CCNY: variants seen among roughly 807,000 people sequenced by gnomAD.
CCNY encodes the protein cyclin-Y.
In CCNY, 19 loss-of-function variants were observed where a neutral mutation model predicts 42.8. That is an observed-to-expected ratio of 0.44 (90% confidence interval 0.31 to 0.65). The LOEUF (loss-of-function observed/expected upper bound fraction) is 0.65. Ranked by LOEUF, CCNY falls within the 30% of genes least tolerant of loss-of-function variation. CCNY has a pLI of 0.07. For missense variants in CCNY, 370 were observed against 437.3 expected (o/e 0.85, Z 1.37); for synonymous variants, 165 against 162.7 (o/e 1.01, Z -0.11).
chr10:35,479,307 G>C (rs907234751), intron 1 of CCNY, among the ~76,000 whole-genome samples: 1 of 151,044 alleles, frequency 6.6e-6, no homozygotes, highest in African/African-American at 2.4e-5. Context: ...ACATGCACAC[G>C]TATGTTTATT....
chr10:35,383,312 C>CT (rs879306853), intron 1 of CCNY, among the ~76,000 whole-genome samples: 1,844 of 143,474 alleles, frequency 0.013, 17 homozygotes, highest in African/African-American at 0.03. Flanking sequence ...ATTTTCTTTT[C>CT]TTTTTTTTTT....
chr10:35,260,324 T>A (rs2095718641), intron 3 of CCNY, among the ~76,000 whole-genome samples: 2 of 152,168 alleles, frequency 1.3e-5, no homozygotes, highest in Non-Finnish European at 2.9e-5. Context: ...ATGCTGTATG[T>A]AAGAGCCTAC....
chr10:35,431,810 T>G (rs1412687994), intron 1 of CCNY, among the ~76,000 whole-genome samples: 1 of 152,082 alleles, frequency 6.6e-6, no homozygotes, highest in Non-Finnish European at 1.5e-5. Flanking sequence ...GTGGCCTTCT[T>G]AGGTTGGTTA....
intron 3 of CCNY, among the ~76,000 whole-genome samples, chr10:35,323,337 T>A (rs1835842934): frequency 6.6e-6 from 1 of 152,220 alleles, no homozygotes. Context: ...TACATAGATG[T>A]TCATAATGGC....
At chr10:35,346,817 G>A (rs150542797) in intron 1 of CCNY, among the ~76,000 whole-genome samples, 2,914 of 152,278 alleles carry the variant, frequency 0.019, 43 homozygotes, top group Non-Finnish European at 0.031. Flanking sequence ...TGTAGAGACA[G>A]GGTTACGCCT....
chr10:35,522,311 T>C (rs1233438966), intron 4 of CCNY, among the ~76,000 whole-genome samples: 1 of 152,186 alleles, frequency 6.6e-6, no homozygotes, highest in African/African-American at 2.4e-5. Flanking sequence ...GCCCCTGACT[T>C]ATAAATGTGG....
chr10:35,332,628 G>A (rs1480071599), upstream of CCNY, among the ~76,000 whole-genome samples: 4 of 151,950 alleles, frequency 2.6e-5, no homozygotes, highest in African/African-American at 4.8e-5. Flanking sequence ...TTTTTGAGAC[G>A]GAGTCTTGCT....
At chr10:35,272,407 C>T (rs1018238335) in intron 3 of CCNY, among the ~76,000 whole-genome samples, 4 of 151,994 alleles carry the variant, frequency 2.6e-5, no homozygotes, top group African/African-American at 7.3e-5. Flanking sequence ...TTAGGCCTAG[C>T]GGCCATTAGT....
At chr10:35,450,164 G>A (rs941105080) in intron 1 of CCNY, among the ~76,000 whole-genome samples, 1 of 152,040 alleles carries the variant, frequency 6.6e-6, no homozygotes, top group Non-Finnish European at 1.5e-5. Context: ...GCAGAGAGGT[G>A]GTGGAATCGG....
At chr10:35,503,067 C>T (rs953746256) in intron 3 of CCNY, among the ~76,000 whole-genome samples, 1 of 152,120 alleles carries the variant, frequency 6.6e-6, no homozygotes, top group Non-Finnish European at 1.5e-5. Flanking sequence ...ACCTGCATAC[C>T]TCTTTTAACA....
chr10:35,357,186 CT>C (rs1249612652), intron 1 of CCNY, among the ~76,000 whole-genome samples: 1 of 151,520 alleles, frequency 6.6e-6, no homozygotes, highest in Non-Finnish European at 1.5e-5. Context: ...GCCCCTGCCC[CT>C]GCCCCAGCCC....
chr10:35,332,771 A>G (rs1182675146), upstream of CCNY, among the ~76,000 whole-genome samples: 2 of 151,972 alleles, frequency 1.3e-5, no homozygotes, highest in Admixed American at 1.3e-4. Context: ...CGCCTGGCTA[A>G]TTTTTTGTAT....
At chr10:35,334,217 ACTGTCTCTTTCTCCT>A (rs1835979915), upstream of CCNY, among the ~76,000 whole-genome samples, 1 of 152,184 alleles carries the variant, frequency 6.6e-6, no homozygotes, top group South Asian at 2.1e-4. Context: ...CCTTAGTGCC[ACTGTCTCTTTCTCCT>A]CTTAAGCCCT....
At chr10:35,447,421 A>G (rs1838817100) in intron 1 of CCNY, among the ~76,000 whole-genome samples, 1 of 152,164 alleles carries the variant, frequency 6.6e-6, no homozygotes, top group Non-Finnish European at 1.5e-5. Context: ...ATTTTTATTT[A>G]TATTTAGGGG....
At chr10:35,247,683 T>C (rs1401712927) in intron 1 of CCNY, among the ~76,000 whole-genome samples, 1 of 151,378 alleles carries the variant, frequency 6.6e-6, no homozygotes, top group Non-Finnish European at 1.5e-5. Context: ...GAGACCATCC[T>C]GGCTAACACG....
chr10:35,279,061 C>A (rs576774962), intron 3 of CCNY, among the ~76,000 whole-genome samples: 1 of 150,020 alleles, frequency 6.7e-6, no homozygotes, highest in African/African-American at 2.5e-5. Flanking sequence ...GTGTTAGAGT[C>A]GTGATTAAAA....
At chr10:35,431,493 G>A (rs1838409658) in intron 1 of CCNY, among the ~76,000 whole-genome samples, 1 of 148,964 alleles carries the variant, frequency 6.7e-6, no homozygotes, top group South Asian at 2.2e-4. Context: ...ACCACTCTGT[G>A]TGTGGTGGTG....
At chr10:35,499,198 G>A (rs1397734111) in intron 2 of CCNY, among the ~76,000 whole-genome samples, 1 of 152,096 alleles carries the variant, frequency 6.6e-6, no homozygotes, top group African/African-American at 2.4e-5. Context: ...CCCCAGACTG[G>A]GCAGTTTACA....
chr10:35,453,782 C>T (rs1004936396), intron 1 of CCNY, among the ~76,000 whole-genome samples: 1 of 151,992 alleles, frequency 6.6e-6, no homozygotes, highest in Non-Finnish European at 1.5e-5. Context: ...TTTCTAGTAA[C>T]CATATTGATG....
Sources: allele counts gnomAD v4.1 joint callset (sites outside exome capture counted in the v4.1 genomes callset), GRCh38; gene constraint gnomAD v4.1.1; transcripts MANE v1.5; gene names NCBI Gene and HGNC (gene_info 2026-07-23, HGNC 2026-07-21).